CFAP20DC: variants seen among roughly 807,000 people sequenced by gnomAD.
The protein encoded by CFAP20DC is protein CFAP20DC.
CFAP20DC carries 84 observed loss-of-function variants against 101.7 expected under a neutral mutation model. The observed-to-expected ratio is 0.83, with a 90% CI of 0.69 to 0.99. The LOEUF (loss-of-function observed/expected upper bound fraction) is 0.99, where lower values mean the gene tolerates loss of function less well. CFAP20DC is among the 50% of genes least tolerant of loss of function. The probability of loss-of-function intolerance (pLI) is 0.00; values close to 1 mark genes in which losing one functional copy is unlikely to be tolerated. For missense variants in CFAP20DC, 1,007 were observed against 970.3 expected (o/e 1.04, Z -0.50); for synonymous variants, 359 against 351.2 (o/e 1.02, Z -0.25).
At chr3:58,810,119 GAGGTACA>G (rs1203413350) in intron 14 of CFAP20DC, among the ~76,000 whole-genome samples, 1 of 152,130 alleles carries the variant, frequency 6.6e-6, no homozygotes, top group Non-Finnish European at 1.5e-5. Context: ...AATTCTATCA[GAGGTACA>G]AGGAGGAACT....
chr3:58,726,206 T>C lies in CFAP20DC; in HGVS notation c.198-8578A>G, dbSNP rs890131700. The C allele has an allele frequency of 6.6e-5, 10 of 152,354 alleles. No homozygotes were observed. In the East Asian group the frequency reaches 1.9e-3, roughly 29 times the overall value. 9.4% of individuals were successfully genotyped at this position (152,354 alleles called of 1,614,324 possible). On this transcript the variant is annotated intron_variant, in intron 3 of 3. Coordinates refer to the CFAP20DC transcript ENST00000486145. ...TTCACTAGGTAAGGCATACGACATA[T>C]TCAGAGAAAGAACTATATAGGGTAA...
rs536672057 is a variant in CFAP20DC at position 58,816,557 on chromosome 3, C to A, written c.2176-10101G>T. ...ACGCATCTGGAAAATCGGGTGACTC[C>A]CACCCGAATATTGCACTTTTCAGAC... On this transcript the variant is annotated intron_variant, in intron 14 of 16. Transcript: ENST00000482387. Among the ~76,000 whole-genome samples, 8 of 152,262 alleles carry A rather than the reference C, an allele frequency of 5.3e-5. No individual in the cohort carries two copies. In the East Asian group the frequency reaches 1.4e-3, roughly 26 times the overall value.
In CFAP20DC at chr3:58,799,291, C is replaced by T. The variant is rs1284033577; in HGVS notation, c.2237+7104G>A. ...AGAATACAGGGCGAACACACTAATT[C>T]AATTTTAGAAAACTGTCTCTATTTA... On this transcript the variant is annotated intron_variant, in intron 15 of 16. Transcript: ENST00000482387. This position sits in a 1 kb window ranked among gnomAD's most constrained non-coding sequence, Gnocchi z 4.9. Among the ~76,000 whole-genome samples the T allele has an allele frequency of 6.6e-6, 1 of 152,048 alleles. No individual in the cohort carries two copies. Among genetic ancestry groups the T allele is most frequent in the Non-Finnish European group, 1.5e-5 (1 of 68,016 alleles).
intron 6 of CFAP20DC, among the ~76,000 whole-genome samples, chr3:58,911,619 A>G (rs775525612): frequency 3.9e-5 from 6 of 152,298 alleles, no homozygotes; most frequent in Non-Finnish European, 7.4e-5. Context: ...AGTAACACTT[A>G]TAATACACCT....
In CFAP20DC at chr3:58,861,648, C is replaced by T. The variant is rs1028348548; in HGVS notation, c.1593+1910G>A. 2.0e-6 allele frequency: 2 copies of T among 985,242 alleles called. No homozygotes were observed. The highest frequency in any genetic ancestry group is 3.5e-5 in the African/African-American group (2 of 57,228). 61.0% of individuals were successfully genotyped at this position (985,242 alleles called of 1,614,324 possible). Reference sequence around the variant, plus strand: ...TATTTTTGTATCTTAGCTTGTATCTCGTTAGTCTCTGTACCAGCAAACCCC... The same window carrying T: ...TATTTTTGTATCTTAGCTTGTATCTTGTTAGTCTCTGTACCAGCAAACCCC... On this transcript the variant is annotated intron_variant, in intron 12 of 16. Transcript: ENST00000482387. This position sits in a 1 kb window ranked among gnomAD's most constrained non-coding sequence, Gnocchi z 4.0.
Position 58,867,911 on chromosome 3 carries a change from C to G in CFAP20DC, c.1041G>C (p.Pro347=). ...CTGCTGATGGTTCTTGAGGGGGATG[C>G]GGATGCATAATATGTAGATTGGCTG... The part of the protein sequence containing the change: ...IHAANLHIMH[P]HPPQEPSADK... The change falls in exon 10 of 17, where the codon CCG becomes CCC. Residue 347 remains proline, a synonymous_variant. Coordinates refer to ENST00000482387, the MANE Select transcript of CFAP20DC (RefSeq NM_001394063.1). The G allele has an allele frequency of 1.2e-6, 2 of 1,612,064 alleles. No homozygotes were observed. The highest frequency in any genetic ancestry group is 1.7e-6 in the Non-Finnish European group (2 of 1,179,058).
chr3:59,044,477 A>T (rs1173251279), intron 3 of CFAP20DC, among the ~76,000 whole-genome samples: 2 of 152,174 alleles, frequency 1.3e-5, no homozygotes, highest in Admixed American at 1.3e-4. Context: ...GGCATTGTAC[A>T]AGAAATACAT....
intron 13 of CFAP20DC, among the ~76,000 whole-genome samples, chr3:58,833,009 A>G (rs1190247283): frequency 6.6e-6 from 1 of 152,134 alleles, no homozygotes; most frequent in Admixed American, 6.5e-5. Context: ...AATTTTTTAG[A>G]TGTTTATATC....
In CFAP20DC at chr3:59,049,922, G is replaced by C. The variant is rs1392955985; in HGVS notation, c.-291C>G. 1 of 421,840 alleles carries C rather than the reference G, an allele frequency of 2.4e-6. No individual in the cohort carries two copies. Among genetic ancestry groups the C allele is most frequent in the Non-Finnish European group, 4.2e-6 (1 of 237,580 alleles). 26.1% of individuals were successfully genotyped at this position (421,840 alleles called of 1,614,324 possible). On this transcript the variant is annotated 5_prime_UTR_variant, in exon 1 of 17. Transcript: ENST00000482387. ...CGGGCCGTCCCTGGGGAGTGATTGT[G>C]TGTGTAACCTACGTGACGGGGCGCC...
chr3:58,772,463 G>A (rs2070936626), intron 15 of CFAP20DC, among the ~76,000 whole-genome samples: 1 of 152,058 alleles, frequency 6.6e-6, no homozygotes, highest in Non-Finnish European at 1.5e-5. Flanking sequence ...GATAAAATAG[G>A]GTAAAATTAA....
rs72883329 is a variant in CFAP20DC at position 59,015,798 on chromosome 3, A to C, written c.278+23759T>G. ...CATGGTGGTCTGTTCCCAAGGCTAAACAAAAGAGATGGAGGCTGTAGAGCT... is the reference window on the plus strand; with the variant it reads ...CATGGTGGTCTGTTCCCAAGGCTAACCAAAAGAGATGGAGGCTGTAGAGCT... On this transcript the variant is annotated intron_variant, in intron 4 of 16. Coordinates refer to ENST00000482387, the MANE Select transcript of CFAP20DC (RefSeq NM_001394063.1). The surrounding 1 kb of genome is among the most constrained non-coding windows in gnomAD (Gnocchi z 5.4). Among the ~76,000 whole-genome samples, 461 of 152,262 alleles carry C rather than the reference A, an allele frequency of 3.0e-3. 6 individuals carry two copies. Among genetic ancestry groups the C allele is most frequent in the African/African-American group, 0.01 (429 of 41,560 alleles).
At chr3:58,740,193 TG>T (rs921879608), downstream of CFAP20DC, among the ~76,000 whole-genome samples, 4 of 152,080 alleles carry the variant, frequency 2.6e-5, no homozygotes, top group Non-Finnish European at 1.5e-5. This position sits in a 1 kb window ranked among gnomAD's most constrained non-coding sequence, Gnocchi z 4.6. Context: ...AGAGAAGAGA[TG>T]GCAAAATCAA....
At chr3:58,981,520 C>T (rs565923470) in intron 4 of CFAP20DC, among the ~76,000 whole-genome samples, 98 of 152,186 alleles carry the variant, frequency 6.4e-4, no homozygotes, top group Non-Finnish European at 1.0e-3. Flanking sequence ...TATAGATCAA[C>T]GGAACAGAAC....
At chr3:58,931,538 T>A (rs1377736639) in intron 5 of CFAP20DC, among the ~76,000 whole-genome samples, 2 of 152,132 alleles carry the variant, frequency 1.3e-5, no homozygotes, top group Non-Finnish European at 2.9e-5. Flanking sequence ...AGGGGCAGAC[T>A]GACACTTCAC....
At chr3:58,975,555 TA>T (rs566923213) in intron 4 of CFAP20DC, among the ~76,000 whole-genome samples, 123 of 152,264 alleles carry the variant, frequency 8.1e-4, no homozygotes, top group Non-Finnish European at 1.1e-3. Flanking sequence ...AATCTTAGCT[TA>T]AAAAAATGAA....
At chr3:58,759,578 A>C (rs922889536) in intron 15 of CFAP20DC, among the ~76,000 whole-genome samples, 66 of 152,090 alleles carry the variant, frequency 4.3e-4, no homozygotes, top group Non-Finnish European at 8.1e-4. Flanking sequence ...GTTGCCACTG[A>C]TTTTGGTGTT....
chr3:58,816,694 G>T (rs1195298758), intron 14 of CFAP20DC, among the ~76,000 whole-genome samples: 1 of 152,206 alleles, frequency 6.6e-6, no homozygotes, highest in Non-Finnish European at 1.5e-5. Context: ...AAACTGCAAG[G>T]TGGAAGCGAG....
chr3:59,050,009 C>T lies in CFAP20DC; in HGVS notation c.-378G>A. On this transcript the variant is annotated 5_prime_UTR_variant, in exon 1 of 17. Transcript: ENST00000482387. ...GGAAAAGCGGGCGCGCTCCCGCTGC[C>T]GCCCCACCCCAGAATCAAACCGCGA... The T allele has an allele frequency of 4.4e-6, 1 of 227,574 alleles. No individual in the cohort carries two copies. Among genetic ancestry groups the T allele is most frequent in the Non-Finnish European group, 8.6e-6 (1 of 115,968 alleles). 14.1% of individuals were successfully genotyped at this position (227,574 alleles called of 1,614,324 possible).
At chr3:58,850,458 C>G (rs896099347) in intron 12 of CFAP20DC, among the ~76,000 whole-genome samples, 1 of 151,778 alleles carries the variant, frequency 6.6e-6, no homozygotes. Context: ...CGTGGTGATG[C>G]TTGCCTGTAA....
Sources: allele counts gnomAD v4.1 joint callset (sites outside exome capture counted in the v4.1 genomes callset), GRCh38; gene constraint gnomAD v4.1.1; non-coding constraint Gnocchi (gnomAD v3.1); transcripts MANE v1.5; gene names NCBI Gene and HGNC (gene_info 2026-07-23, HGNC 2026-07-21).